The following KCNK9 variants were observed in gnomAD, a reference collection of about 807,000 sequenced individuals.
The protein encoded by KCNK9 is potassium channel subfamily K member 9.
KCNK9 carries 1 observed loss-of-function variant against 10.8 expected under a neutral mutation model. That is an observed-to-expected ratio of 0.09 (90% CI 0.03 to 0.44). The LOEUF (loss-of-function observed/expected upper bound fraction) is 0.44. Ranked by LOEUF, KCNK9 falls within the 20% of genes least tolerant of loss-of-function variation. The pLI, the probability that KCNK9 is intolerant of heterozygous loss-of-function variation, is 0.97. For missense variants in KCNK9, 303 were observed against 515.0 expected, an observed-to-expected ratio of 0.59 and a Z score of 3.98; for synonymous variants, 231 against 222.7, an observed-to-expected ratio of 1.04 and a Z score of -0.33.
chr8:139,654,775 T>A (rs1815973594), intron 1 of KCNK9, among the ~76,000 whole-genome samples: 1 of 152,194 alleles, frequency 6.6e-6, no homozygotes, highest in African/African-American at 2.4e-5. Context: ...CAGCGGCTTG[T>A]TCACCATGCT....
intron 1 of KCNK9, among the ~76,000 whole-genome samples, chr8:139,641,093 A>G (rs544970925): frequency 4.6e-5 from 7 of 152,196 alleles, no homozygotes; most frequent in South Asian, 2.1e-4. Flanking sequence ...CGAGGAGGTG[A>G]GGCAGGTTCA....
At chr8:139,631,449 C>T (rs1175120373) in intron 1 of KCNK9, among the ~76,000 whole-genome samples, 1 of 152,174 alleles carries the variant, frequency 6.6e-6, no homozygotes, top group African/African-American at 2.4e-5. Context: ...TTGTAAGCCC[C>T]CAAGCCAGCC....
chr8:139,667,827 G>C (rs990009068), intron 1 of KCNK9, among the ~76,000 whole-genome samples: 154 of 152,134 alleles, frequency 1.0e-3, no homozygotes, highest in African/African-American at 3.6e-3. Flanking sequence ...CTTGCAGTGA[G>C]CTGAGATCGT....
At chr8:139,644,816 C>T (rs1815625244) in intron 1 of KCNK9, among the ~76,000 whole-genome samples, 1 of 152,106 alleles carries the variant, frequency 6.6e-6, no homozygotes, top group Non-Finnish European at 1.5e-5. Context: ...AGGGCCACCT[C>T]CGCTGGGCCC....
intron 1 of KCNK9, among the ~76,000 whole-genome samples, chr8:139,647,040 C>G (rs954000728): frequency 6.6e-6 from 1 of 152,212 alleles, no homozygotes; most frequent in Non-Finnish European, 1.5e-5. Flanking sequence ...GGCTCCCAGA[C>G]CCTACACAAG....
intron 1 of KCNK9, among the ~76,000 whole-genome samples, chr8:139,665,928 T>C (rs1586676114): frequency 6.6e-6 from 1 of 152,288 alleles, no homozygotes; most frequent in East Asian, 1.9e-4. Flanking sequence ...AGCTCAGCCC[T>C]AGAACCACCT....
chr8:139,686,804 C>A (rs1407614001), intron 1 of KCNK9, among the ~76,000 whole-genome samples: 1 of 152,112 alleles, frequency 6.6e-6, no homozygotes, highest in African/African-American at 2.4e-5. Context: ...AAAACACACG[C>A]TTCAAATAAC....
intron 1 of KCNK9, among the ~76,000 whole-genome samples, chr8:139,678,694 G>A (rs1377126830): frequency 6.6e-6 from 1 of 152,250 alleles, no homozygotes; most frequent in African/African-American, 2.4e-5. Context: ...TGGGGGTCAA[G>A]GCCTGTGGGC....
chr8:139,605,723 T>A (rs1325316762), intron 2 of KCNK9, among the ~76,000 whole-genome samples: 2 of 152,246 alleles, frequency 1.3e-5, no homozygotes, highest in East Asian at 3.8e-4. Context: ...GTAAAGACAT[T>A]GTAAAATATA....
At chr8:139,684,415 C>T (rs575121046) in intron 1 of KCNK9, among the ~76,000 whole-genome samples, 1 of 152,144 alleles carries the variant, frequency 6.6e-6, no homozygotes, top group Admixed American at 6.5e-5. Context: ...TATTTTGTGA[C>T]TAACTTTATA....
At chr8:139,697,224 T>C (rs1256977760) in intron 1 of KCNK9, among the ~76,000 whole-genome samples, 1 of 146,300 alleles carries the variant, frequency 6.8e-6, no homozygotes, top group African/African-American at 2.6e-5. Context: ...GGTGTATGGA[T>C]GGGTGAGTGG....
intron 2 of KCNK9, among the ~76,000 whole-genome samples, chr8:139,602,253 C>T (rs1817388843): frequency 6.6e-6 from 1 of 152,218 alleles, no homozygotes; most frequent in Admixed American, 6.5e-5. Context: ...TGCTGCACAG[C>T]CTTGACGATC....
chr8:139,642,016 G>C (rs1441679460), intron 1 of KCNK9, among the ~76,000 whole-genome samples: 2 of 152,216 alleles, frequency 1.3e-5, no homozygotes, highest in South Asian at 2.1e-4. Flanking sequence ...CGGTGAGGTA[G>C]GGAGCTCCCC....
At chr8:139,649,813 A>G (rs1355112737) in intron 1 of KCNK9, among the ~76,000 whole-genome samples, 2 of 152,140 alleles carry the variant, frequency 1.3e-5, no homozygotes, top group African/African-American at 2.4e-5. Context: ...AGCACCTAAC[A>G]TGTTCTTGGG....
At chr8:139,623,242 G>C (rs1563720369) in intron 1 of KCNK9, among the ~76,000 whole-genome samples, 1 of 152,224 alleles carries the variant, frequency 6.6e-6, no homozygotes, top group Admixed American at 6.5e-5. Flanking sequence ...CAGCACCTGT[G>C]TGACAGCTCA....
chr8:139,618,909 G>A lies in KCNK9; in HGVS notation c.474C>T (p.Asn158=). ...GMRNTDVSME[N]MVTVGFFSCM... ...AGGAGAAGAAGCCCACAGTCACCAT[G>A]TTCTCCATAGACACGTCAGTGTTGC... The change falls in exon 2 of 2, where the codon AAC becomes AAT. Residue 158 remains asparagine (N), a synonymous_variant. Coordinates refer to ENST00000520439, the MANE Select transcript of KCNK9 (RefSeq NM_001282534.2). This position sits in a 1 kb window ranked among gnomAD's most constrained non-coding sequence, Gnocchi z 7.9. 1 of 1,614,238 alleles carries A rather than the reference G, an allele frequency of 6.2e-7. No homozygotes were observed. The highest frequency in any genetic ancestry group is 1.7e-5 in the Admixed American group (1 of 60,028).
At chr8:139,612,146 C>T (rs755110990), downstream of KCNK9, 7 of 152,200 alleles carry the variant, frequency 4.6e-5, no homozygotes, top group South Asian at 2.1e-4. Flanking sequence ...TGGAGAGCAA[C>T]GGGGAGACCT....
chr8:139,634,935 C>T (rs868539098), intron 1 of KCNK9, among the ~76,000 whole-genome samples: 9 of 152,038 alleles, frequency 5.9e-5, no homozygotes, highest in South Asian at 2.1e-4. Context: ...GATGAGCGGG[C>T]GGGGGCAGCC....
chr8:139,678,265 G>A (rs957264729), intron 1 of KCNK9, among the ~76,000 whole-genome samples: 41 of 152,224 alleles, frequency 2.7e-4, no homozygotes, highest in Admixed American at 1.5e-3. Flanking sequence ...CCAGGATGTC[G>A]TGGAAGCGTC....
Sources: allele counts gnomAD v4.1 joint callset (sites outside exome capture counted in the v4.1 genomes callset), GRCh38; gene constraint gnomAD v4.1.1; non-coding constraint Gnocchi (gnomAD v3.1); transcripts MANE v1.5; gene names NCBI Gene and HGNC (gene_info 2026-07-23, HGNC 2026-07-21).